The following SNTG1 variants were observed in gnomAD, a reference collection of about 807,000 sequenced individuals.
SNTG1 encodes syntrophin gamma 1, also known as gamma-1-syntrophin.
A neutral mutation model predicts 74.7 loss-of-function variants in SNTG1; 39 were observed. That is an observed-to-expected ratio of 0.52 (90% confidence interval 0.40 to 0.68). SNTG1 has a LOEUF of 0.68. Ranked by LOEUF, SNTG1 falls within the 30% of genes least tolerant of loss-of-function variation. The pLI, the probability that SNTG1 is intolerant of heterozygous loss-of-function variation, is 0.00. For missense variants in SNTG1, 685 were observed against 609.5 expected (o/e 1.12, Z -1.30); for synonymous variants, 254 against 217.1 (o/e 1.17, Z -1.49).
intron 2 of SNTG1, among the ~76,000 whole-genome samples, chr8:50,248,972 G>A (rs2086522508): frequency 6.6e-6 from 1 of 152,106 alleles, no homozygotes; most frequent in Admixed American, 6.6e-5. Flanking sequence ...GGCCATCAAG[G>A]TAACATCAAA....
chr8:50,575,837 A>C (rs2094573833), intron 12 of SNTG1: 1 of 152,248 alleles, frequency 6.6e-6, no homozygotes, highest in East Asian at 1.9e-4. Flanking sequence ...TGAAGAGATC[A>C]CAGAAATGTT....
intron 15 of SNTG1, among the ~76,000 whole-genome samples, chr8:50,704,373 A>G (rs1278986282): frequency 2.0e-5 from 3 of 152,220 alleles, no homozygotes; most frequent in Admixed American, 6.5e-5. Flanking sequence ...ATGAAGCCAG[A>G]AACCCTAACT....
chr8:50,772,848 A>T (rs1362768159), intron 18 of SNTG1, among the ~76,000 whole-genome samples: 1 of 152,130 alleles, frequency 6.6e-6, no homozygotes, highest in Non-Finnish European at 1.5e-5. Context: ...TATTTCCCAC[A>T]GGAGTGGTTT....
chr8:50,121,092 G>C (rs2080984925), intron 1 of SNTG1, among the ~76,000 whole-genome samples: 1 of 142,120 alleles, frequency 7.0e-6, no homozygotes, highest in Non-Finnish European at 1.6e-5. Flanking sequence ...GTCTTCATTA[G>C]TATTGAAAAT....
intron 13 of SNTG1, among the ~76,000 whole-genome samples, chr8:50,635,380 T>A (rs1402600265): frequency 6.6e-6 from 1 of 152,120 alleles, no homozygotes; most frequent in Admixed American, 6.5e-5. Flanking sequence ...TTAGGGGCAG[T>A]GAGTTTTTTC....
intron 12 of SNTG1, among the ~76,000 whole-genome samples, chr8:50,584,933 T>C (rs2094637668): frequency 2.0e-5 from 3 of 152,052 alleles, no homozygotes; most frequent in African/African-American, 4.8e-5. Context: ...TCTCTCTGCC[T>C]GGAAAGCCCA....
At chr8:50,315,807 G>T (rs2090295615) in intron 2 of SNTG1, among the ~76,000 whole-genome samples, 1 of 152,106 alleles carries the variant, frequency 6.6e-6, no homozygotes, top group South Asian at 2.1e-4. Context: ...TTCCCACCAT[G>T]AACACCTGCA....
At chr8:50,546,985 G>A (rs2094392742) in intron 11 of SNTG1, among the ~76,000 whole-genome samples, 1 of 152,110 alleles carries the variant, frequency 6.6e-6, no homozygotes. Context: ...GTTTTGCCAT[G>A]TTGGCCAGGC....
chr8:50,542,911 A>G (rs563831988), intron 11 of SNTG1, among the ~76,000 whole-genome samples: 1 of 152,258 alleles, frequency 6.6e-6, no homozygotes, highest in East Asian at 1.9e-4. Flanking sequence ...GTCTGTTCAA[A>G]TCTTCTGCCC....
intron 1 of SNTG1, among the ~76,000 whole-genome samples, chr8:49,952,122 T>C (rs1048664714): frequency 6.6e-6 from 1 of 152,186 alleles, no homozygotes; most frequent in African/African-American, 2.4e-5. Flanking sequence ...ACTGTTCTTA[T>C]AGTGCTTTTA....
At chr8:50,127,803 T>C (rs1484017880) in intron 1 of SNTG1, among the ~76,000 whole-genome samples, 1 of 152,194 alleles carries the variant, frequency 6.6e-6, no homozygotes, top group Non-Finnish European at 1.5e-5. Context: ...AAATAAATGT[T>C]ATCTTCATTT....
intron 12 of SNTG1, among the ~76,000 whole-genome samples, chr8:50,559,581 C>G (rs970367874): frequency 6.6e-6 from 1 of 151,944 alleles, no homozygotes; most frequent in Admixed American, 6.6e-5. Context: ...GATTGAAAGT[C>G]AAAATTTAGA....
At chr8:50,210,602 C>G (rs529782585) in intron 2 of SNTG1, among the ~76,000 whole-genome samples, 7 of 152,128 alleles carry the variant, frequency 4.6e-5, no homozygotes, top group Non-Finnish European at 7.4e-5. Context: ...GAATTTTCAA[C>G]CCAGAATTTC....
chr8:50,585,635 A>G (rs2094643313), intron 12 of SNTG1, among the ~76,000 whole-genome samples: 1 of 152,176 alleles, frequency 6.6e-6, no homozygotes, highest in African/African-American at 2.4e-5. Context: ...TACCAAGAGT[A>G]GAAAATTTTT....
At chr8:50,433,690 T>A (rs924562414) in intron 4 of SNTG1, among the ~76,000 whole-genome samples, 3 of 152,156 alleles carry the variant, frequency 2.0e-5, no homozygotes, top group African/African-American at 7.2e-5. Context: ...TAGAATAATG[T>A]TTGAATGAAT....
At chr8:50,488,306 A>G (rs773916667) in intron 8 of SNTG1, among the ~76,000 whole-genome samples, 2 of 152,220 alleles carry the variant, frequency 1.3e-5, no homozygotes, top group Non-Finnish European at 2.9e-5. Flanking sequence ...TCACGTTTAC[A>G]TGTAGTTTTA....
chr8:50,175,859 C>T (rs1165978874), intron 2 of SNTG1, among the ~76,000 whole-genome samples: 1 of 152,094 alleles, frequency 6.6e-6, no homozygotes, highest in Non-Finnish European at 1.5e-5. Flanking sequence ...TTAAATATAT[C>T]TCTTTGCCTC....
chr8:50,219,472 G>C (rs1454816445), intron 2 of SNTG1, among the ~76,000 whole-genome samples: 1 of 152,088 alleles, frequency 6.6e-6, no homozygotes, highest in African/African-American at 2.4e-5. Flanking sequence ...CCTGAGACTG[G>C]GTAACTTATA....
intron 5 of SNTG1, among the ~76,000 whole-genome samples, chr8:50,444,773 A>AAAGC (rs2093390975): frequency 7.9e-6 from 1 of 126,250 alleles, no homozygotes; most frequent in Non-Finnish European, 1.8e-5. Flanking sequence ...AAAAAGAAAG[A>AAAGC]GATAACAAGC....
Sources: gnomAD v4.1 joint callset for allele counts (sites outside exome capture counted in the v4.1 genomes callset) on GRCh38, gnomAD v4.1.1 for gene constraint, MANE v1.5 for transcripts, NCBI Gene and HGNC (gene_info 2026-07-23, HGNC 2026-07-21) for gene names.